COL27A1: variants seen among roughly 807,000 people sequenced by gnomAD.
COL27A1 encodes collagen type XXVII alpha 1 chain.
COL27A1 carries 106 observed loss-of-function variants against 251.3 expected under a neutral mutation model. That is an observed-to-expected ratio of 0.42 (90% confidence interval 0.36 to 0.50). The LOEUF is 0.50. Among genes scored for constraint, COL27A1 ranks in the 20% least tolerant of loss-of-function variants. The pLI, the probability that COL27A1 is intolerant of heterozygous loss-of-function variation, is 0.00. For synonymous variants in COL27A1, 1,000 were observed against 986.3 expected (o/e 1.01, Z -0.26); for missense variants, 2,325 against 2,522.8 (o/e 0.92, Z 1.68).
chr9:114,187,296 G>A (rs917829939), intron 5 of COL27A1, among the ~76,000 whole-genome samples: 5 of 152,242 alleles, frequency 3.3e-5, no homozygotes, highest in African/African-American at 7.2e-5. Flanking sequence ...GCCCCACCCT[G>A]GGCCTCAGCC....
chr9:114,258,799 C>T (rs1177751716), intron 28 of COL27A1, among the ~76,000 whole-genome samples: 1 of 152,240 alleles, frequency 6.6e-6, no homozygotes, highest in East Asian at 1.9e-4. Context: ...CATTTCTCAG[C>T]CTTGCTATCC....
rs565500709 is a variant in COL27A1 at position 114,172,222 on chromosome 9, G to A, written c.1908+2759G>A. Among the ~76,000 whole-genome samples the A allele has an allele frequency of 4.6e-5, 7 of 152,286 alleles. No homozygotes were observed. In the East Asian group the frequency reaches 5.8e-4, roughly 13 times the overall value. ...TGTAATGGAAGAGGCATCTTTGAAC[G>A]GTGATGAAATGAACTCTCATTCTTT... On this transcript the variant is annotated intron_variant, in intron 3 of 60. Coordinates refer to ENST00000356083, the MANE Select transcript of COL27A1 (RefSeq NM_032888.4).
chr9:114,290,904 C>T lies in COL27A1; in HGVS notation c.4463C>T (p.Pro1488Leu). The change falls in exon 48 of 61, where the codon CCC becomes CTC. Residue 1488 changes from proline to leucine, a missense_variant. Pro to Leu is a moderately conservative substitution (Grantham distance 98, BLOSUM62 -3). This residue lies in a region of COL27A1 where 153 missense variants were observed against 140.7 expected (regional missense o/e 1.09). Transcript: ENST00000356083. The surrounding 1 kb of genome is among the most constrained non-coding windows in gnomAD (Gnocchi z 4.6). ...GVAGLPGAQG[P>L]PGFKGESGLP... ...GCCGGCTTACCTGGAGCACAGGGACCCCCAGGATTCAAGGTCAGATACCTC... is the reference window on the plus strand; with the variant it reads ...GCCGGCTTACCTGGAGCACAGGGACTCCCAGGATTCAAGGTCAGATACCTC... The T allele has an allele frequency of 2.6e-6, 4 of 1,551,058 alleles. No homozygotes were observed. Among genetic ancestry groups the T allele is most frequent in the Non-Finnish European group, 3.5e-6 (4 of 1,146,596 alleles).
chr9:114,257,737 A>G (rs1322169343), intron 27 of COL27A1, among the ~76,000 whole-genome samples: 2 of 152,000 alleles, frequency 1.3e-5, no homozygotes, highest in African/African-American at 2.4e-5. Context: ...AGCTCACCCC[A>G]GGCCTGTGTT....
intron 5 of COL27A1, among the ~76,000 whole-genome samples, chr9:114,186,701 G>A (rs1223500964): frequency 1.3e-5 from 2 of 152,212 alleles, no homozygotes; most frequent in Non-Finnish European, 2.9e-5. Context: ...TTTATCCAAA[G>A]AGCAGCTGGA....
At chr9:114,209,325 G>A (rs1047040452) in intron 10 of COL27A1, 4 of 520,402 alleles carry the variant, frequency 7.7e-6, no homozygotes, top group Non-Finnish European at 1.5e-5. Context: ...CCCTGGGGGT[G>A]GGCAGGGCTT....
intron 34 of COL27A1, among the ~76,000 whole-genome samples, chr9:114,268,251 C>T (rs1417338167): frequency 6.6e-6 from 1 of 151,836 alleles, no homozygotes; most frequent in African/African-American, 2.4e-5. Context: ...TGCCCCTAGA[C>T]ACCAGCAGGG....
chr9:114,275,405 T>A (rs1835431256), intron 36 of COL27A1, among the ~76,000 whole-genome samples: 1 of 152,210 alleles, frequency 6.6e-6, no homozygotes, highest in Non-Finnish European at 1.5e-5. Flanking sequence ...ACTCTGCCCT[T>A]CGCAGCCCAG....
intron 27 of COL27A1, among the ~76,000 whole-genome samples, chr9:114,253,352 AGTG>A (rs1833687149): frequency 6.9e-6 from 1 of 144,664 alleles, no homozygotes; most frequent in African/African-American, 2.6e-5. Context: ...GAAAGAAGGG[AGTG>A]GAGGAAGAAA....
At position 114,167,897 on chromosome 9, in the gene COL27A1, C is replaced by T. The variant is rs374714030; in HGVS notation, c.342C>T (p.Leu114=). ...CCCACCGGGTGAACCATGCCTTCCT[C>T]TTCGCTGTCCGCAGCCAGAAACGCA... ...LCSHRVNHAF[L]FAVRSQKRKL... The change falls in exon 3 of 61, where the codon CTC becomes CTT. Residue 114 remains leucine (L), a synonymous_variant. Coordinates refer to ENST00000356083, the MANE Select transcript of COL27A1 (RefSeq NM_032888.4). 1 of 1,613,008 alleles carries T rather than the reference C, an allele frequency of 6.2e-7. No individual in the cohort carries two copies. Among genetic ancestry groups the T allele is most frequent in the Non-Finnish European group, 8.5e-7 (1 of 1,179,844 alleles).
At chr9:114,184,053 A>G (rs1263091556) in intron 5 of COL27A1, among the ~76,000 whole-genome samples, 3 of 152,170 alleles carry the variant, frequency 2.0e-5, no homozygotes, top group African/African-American at 7.2e-5. Flanking sequence ...CTGGAGAGAT[A>G]GGAGGGGAAG....
chr9:114,238,814 C>G (rs1051031997), intron 19 of COL27A1, among the ~76,000 whole-genome samples: 1 of 152,202 alleles, frequency 6.6e-6, no homozygotes, highest in African/African-American at 2.4e-5. Flanking sequence ...TGCCAGGAGG[C>G]TGTGCAGTGT....
intron 12 of COL27A1, among the ~76,000 whole-genome samples, chr9:114,216,523 G>A (rs1036433271): frequency 2.0e-5 from 3 of 152,210 alleles, no homozygotes; most frequent in African/African-American, 2.4e-5. Context: ...ACTTAGTAGC[G>A]GAGGGATGAG....
Position 114,290,639 on chromosome 9 carries a change from T to C in COL27A1, c.4369-171T>C, listed in dbSNP as rs1827851562. ...CCCTTCCCCACTCACAATCCTCAGCTCCTCCTGTCCTCCTGGTCCAGCCAC... is the reference window on the plus strand; with the variant it reads ...CCCTTCCCCACTCACAATCCTCAGCCCCTCCTGTCCTCCTGGTCCAGCCAC... On this transcript the variant is annotated intron_variant, in intron 47 of 60. Coordinates refer to ENST00000356083, the MANE Select transcript of COL27A1 (RefSeq NM_032888.4). The surrounding 1 kb of genome is among the most constrained non-coding windows in gnomAD (Gnocchi z 4.6). Among the ~76,000 whole-genome samples, 1 of 151,706 alleles carries C rather than the reference T, an allele frequency of 6.6e-6. No homozygotes were observed. The highest frequency in any genetic ancestry group is 1.5e-5 in the Non-Finnish European group (1 of 67,948).
intron 31 of COL27A1, 107 bp from the exon 32 acceptor site, chr9:114,265,315 G>C (rs1011895669): frequency 8.1e-7 from 1 of 1,235,368 alleles, no homozygotes; most frequent in East Asian, 2.4e-5. Context: ...TCTGTCACCC[G>C]GTGTGGGAGG....
rs559163375 is a variant in COL27A1 at position 114,262,728 on chromosome 9, G to T, written c.3196-1627G>T. Among the ~76,000 whole-genome samples, 6 of 152,348 alleles carry T rather than the reference G, an allele frequency of 3.9e-5. No homozygotes were observed. The South Asian group carries it at 1.2e-3, about 32-fold the overall frequency. On this transcript the variant is annotated intron_variant, in intron 28 of 60. Coordinates refer to ENST00000356083, the MANE Select transcript of COL27A1 (RefSeq NM_032888.4). ...TGCCTAGGGCTGGACCCCACAATGG[G>T]CACCAGGCCCTGGGCTTGGGGATGC...
intron 36 of COL27A1, chr9:114,272,924 G>C (rs1480402498): frequency 6.6e-6 from 1 of 152,146 alleles, no homozygotes; most frequent in East Asian, 1.9e-4. Context: ...TGGTATTAGG[G>C]AGTCTCCACC....
At chr9:114,301,746 G>C (rs780331558) in intron 55 of COL27A1, 29 bp downstream of exon 55, 4 of 1,605,810 alleles carry the variant, frequency 2.5e-6, no homozygotes, top group Non-Finnish European at 8.5e-7. Context: ...GGTGCATCTT[G>C]GACTCCTGGG....
At chr9:114,251,577 C>T (rs915337966) in intron 25 of COL27A1, among the ~76,000 whole-genome samples, 2 of 152,224 alleles carry the variant, frequency 1.3e-5, no homozygotes, top group Non-Finnish European at 2.9e-5. Flanking sequence ...CCTGTTTCTT[C>T]CAGTGGTAGC....
Sources: allele counts gnomAD v4.1 joint callset (sites outside exome capture counted in the v4.1 genomes callset), GRCh38; gene constraint gnomAD v4.1.1; regional missense constraint gnomAD v4.1.1; non-coding constraint Gnocchi (gnomAD v3.1); transcripts MANE v1.5; gene names NCBI Gene and HGNC (gene_info 2026-07-23, HGNC 2026-07-21).